The following NRL variants were observed in gnomAD, a reference collection of about 807,000 sequenced individuals.
The protein encoded by NRL is neural retina-specific leucine zipper protein.
In NRL, 16 loss-of-function variants were observed where a neutral mutation model predicts 12.5. That is an observed-to-expected ratio of 1.28 (90% CI 0.87 to 1.95). NRL has a LOEUF of 1.95. Ranked by LOEUF, NRL falls within the 30% of genes most tolerant of loss-of-function variation. The pLI, the probability that NRL is intolerant of heterozygous loss-of-function variation, is 0.00. For missense variants in NRL, 314 were observed against 325.8 expected (o/e 0.96, Z 0.28); for synonymous variants, 142 against 150.9 (o/e 0.94, Z 0.43).
chr14:24,083,210 A>G (rs1037865490), intron 1 of NRL, among the ~76,000 whole-genome samples: 2 of 152,270 alleles, frequency 1.3e-5, no homozygotes, highest in East Asian at 3.8e-4. Flanking sequence ...GAGGTCTGTC[A>G]TCTCAAGAGG....
chr14:24,098,712 A>T (rs1184190432), intron 1 of NRL: 2 of 1,575,210 alleles, frequency 1.3e-6, no homozygotes, highest in Non-Finnish European at 1.7e-6. Flanking sequence ...GGGAACACAG[A>T]GGCCTTCTTG....
rs2037504263 is a variant in NRL, at chr14:24,114,889, T to C, written c.-195A>G. Reference sequence around the variant, plus strand: ...GGCGGCAGTCGGTGTAAACAAGGCCTCGCGCCGCTGCGGGTCCTGCGACCG... The same window carrying C: ...GGCGGCAGTCGGTGTAAACAAGGCCCCGCGCCGCTGCGGGTCCTGCGACCG... On this transcript the variant is annotated 5_prime_UTR_variant, in exon 1 of 3. Transcript: ENST00000561028. 2.0e-6 allele frequency: 2 copies of C among 985,912 alleles called. No individual in the cohort carries two copies. The highest frequency in any genetic ancestry group is 9.4e-5 in the South Asian group (2 of 21,304). 61.1% of individuals were successfully genotyped at this position (985,912 alleles called of 1,614,324 possible). A position where few individuals can be genotyped will look rare whatever the true frequency, so the allele number is the denominator to read the frequency against.
At chr14:24,113,308 G>A (rs1293460122) in intron 1 of NRL, among the ~76,000 whole-genome samples, 1 of 141,430 alleles carries the variant, frequency 7.1e-6, no homozygotes, top group Non-Finnish European at 1.5e-5. Flanking sequence ...CAGCGCACCA[G>A]CATGGCACAT....
At chr14:24,103,730 G>A (rs1193364826) in intron 1 of NRL, 13 of 1,614,134 alleles carry the variant, frequency 8.1e-6, no homozygotes, top group Non-Finnish European at 1.1e-5. Context: ...GGCGGTTAGA[G>A]GGGGAGGACA....
intron 1 of NRL, among the ~76,000 whole-genome samples, chr14:24,091,882 G>A (rs1270496248): frequency 6.6e-6 from 1 of 152,106 alleles, no homozygotes; most frequent in African/African-American, 2.4e-5. Context: ...AGAAAGGAAA[G>A]TACACTTGGA....
intron 1 of NRL, chr14:24,095,335 T>C (rs2036820555): frequency 4.7e-6 from 2 of 423,942 alleles, no homozygotes; most frequent in Non-Finnish European, 9.6e-6. Context: ...GCTTGAAAAC[T>C]GATGCTCACG....
rs2037496341 is a variant in NRL, at chr14:24,114,701, C to A, written c.-28+21G>T. The A allele has an allele frequency of 3.0e-6, 3 of 985,896 alleles. No homozygotes were observed. In the African/African-American group the frequency reaches 5.2e-5, roughly 17 times the overall value. 61.1% of individuals were successfully genotyped at this position (985,896 alleles called of 1,614,324 possible). A position where few individuals can be genotyped will look rare whatever the true frequency, so the allele number is the denominator to read the frequency against. On this transcript the variant is annotated intron_variant, in intron 1 of 2. Coordinates refer to ENST00000561028, the MANE Select transcript of NRL (RefSeq NM_001354768.3). ...TGCACTTTCTCCTCCCCTCAGGCAC[C>A]TCGCGCATTCTCCCGCCTACCTATC...
In NRL at chr14:24,082,842, G is replaced by T. The variant is rs2138876531; in HGVS notation, c.7C>A (p.Leu3Met). 1.2e-6 allele frequency: 2 copies of T among 1,611,784 alleles called. No individual in the cohort carries two copies. Among genetic ancestry groups the T allele is most frequent in the Non-Finnish European group, 1.7e-6 (2 of 1,178,436 alleles). MALPPSPLAMEYV... is the reference protein window; with the variant it reads MAMPPSPLAMEYV... ...TCCATGGCCAGGGGGCTGGGGGGCAGGGCCATTCTGGAGCTGGGCTGGGAG... is the reference window on the plus strand; with the variant it reads ...TCCATGGCCAGGGGGCTGGGGGGCATGGCCATTCTGGAGCTGGGCTGGGAG... Residue 3 changes from leucine (L) to methionine (M), a missense_variant, in exon 2 of 3, where the codon CTG (leucine) becomes ATG (methionine). Transcript: ENST00000561028.
At chr14:24,101,639 C>T (rs747409627) in intron 1 of NRL, among the ~76,000 whole-genome samples, 5 of 152,204 alleles carry the variant, frequency 3.3e-5, no homozygotes, top group African/African-American at 7.2e-5. Context: ...AAATCAATTC[C>T]TTGCAGGGCA....
chr14:24,099,207 G>A (rs746389210), intron 1 of NRL: 4 of 1,600,464 alleles, frequency 2.5e-6, no homozygotes, highest in African/African-American at 2.7e-5. Context: ...GCTGGCCCGG[G>A]ATGAGGGCTG....
intron 1 of NRL, chr14:24,095,200 C>T (rs893639329): frequency 8.8e-6 from 4 of 456,096 alleles, no homozygotes; most frequent in Admixed American, 7.0e-5. Context: ...TCCACTTGGG[C>T]AGCCCTTGTG....
chr14:24,080,973 G>C lies in NRL; in HGVS notation c.*263C>G. The C allele has an allele frequency of 2.8e-6, 1 of 360,308 alleles. No individual in the cohort carries two copies. The highest frequency in any genetic ancestry group is 4.9e-6 in the Non-Finnish European group (1 of 202,418). The allele number at this position is 360,308 out of a possible 1,614,324, so 22.3% of individuals were successfully genotyped here. A position where few individuals can be genotyped will look rare whatever the true frequency, so the allele number is the denominator to read the frequency against. ...TTCCACCCCCCAGTGCCTGGCACTG[G>C]TCCCTGCAGAGCTCAGCGTGCTAGT... On this transcript the variant is annotated 3_prime_UTR_variant, in exon 3 of 3. Transcript: ENST00000561028.
At chr14:24,091,928 G>T in intron 1 of NRL, among the ~76,000 whole-genome samples, 1 of 152,236 alleles carries the variant, frequency 6.6e-6, no homozygotes, top group Non-Finnish European at 1.5e-5. Flanking sequence ...GTCAAGTGCG[G>T]CATTTGACCT....
rs1253335223 is a variant in NRL at position 24,085,833 on chromosome 14, C to G, written c.-27-2958G>C. ...ATCACCTGGGAACTTGCTAGAAATA[C>G]ATGTTACCTGATCTCACCTTAAATC... On this transcript the variant is annotated intron_variant, in intron 1 of 2. Coordinates refer to ENST00000561028, the MANE Select transcript of NRL (RefSeq NM_001354768.3). This position sits in a 1 kb window ranked among gnomAD's most constrained non-coding sequence, Gnocchi z 4.1. Among the ~76,000 whole-genome samples, 2 of 152,250 alleles carry G rather than the reference C, an allele frequency of 1.3e-5. No homozygotes were observed. Among genetic ancestry groups the G allele is most frequent in the Non-Finnish European group, 2.9e-5 (2 of 68,046 alleles).
At chr14:24,095,507 T>A in intron 1 of NRL, 1 of 295,278 alleles carries the variant, frequency 3.4e-6, no homozygotes, top group African/African-American at 2.2e-5. Context: ...CTTTCTTCCT[T>A]CCCCAGGCTA....
At position 24,080,869 on chromosome 14, in the gene NRL, T is replaced by G; in HGVS notation, c.*367A>C. 1 of 211,772 alleles carries G rather than the reference T, an allele frequency of 4.7e-6. No individual in the cohort carries two copies. The highest frequency in any genetic ancestry group is 9.3e-6 in the Non-Finnish European group (1 of 107,026). 13.1% of individuals were successfully genotyped at this position (211,772 alleles called of 1,614,324 possible). ...AATTACAGCTTTAATGTGTTACAGG[T>G]TGAAAACCCTGAATTAAAAACTAAA... On this transcript the variant is annotated 3_prime_UTR_variant, in exon 3 of 3. Coordinates refer to ENST00000561028, the MANE Select transcript of NRL (RefSeq NM_001354768.3).
At position 24,085,056 on chromosome 14, in the gene NRL, C is replaced by T. The variant is rs960367695; in HGVS notation, c.-27-2181G>A. Among the ~76,000 whole-genome samples, 10 of 152,182 alleles carry T rather than the reference C, an allele frequency of 6.6e-5. No homozygotes were observed. The highest frequency in any genetic ancestry group is 1.3e-4 in the Non-Finnish European group (9 of 68,018). ...TAAGCTCTCCCACGCCCACTCTCAC[C>T]GGGCCTTTTGGATCTGTTTCCTATT... On this transcript the variant is annotated intron_variant, in intron 1 of 2. Transcript: ENST00000561028. This position sits in a 1 kb window ranked among gnomAD's most constrained non-coding sequence, Gnocchi z 4.1.
At position 24,114,782 on chromosome 14, in the gene NRL, A is replaced by G. The variant is rs2037499621; in HGVS notation, c.-88T>C. On this transcript the variant is annotated 5_prime_UTR_variant, in exon 1 of 3. Transcript: ENST00000561028. ...GCCAAGGGGGCGGGGCCGTCGTGTG[A>G]CGTTTGCAGCCCGCCGGCCAGGAAG... 4 of 985,808 alleles carry G rather than the reference A, an allele frequency of 4.1e-6. No individual in the cohort carries two copies. The highest frequency in any genetic ancestry group is 9.4e-5 in the South Asian group (2 of 21,308). The allele number at this position is 985,808 out of a possible 1,614,324, so 61.1% of individuals were successfully genotyped here. A position where few individuals can be genotyped will look rare whatever the true frequency, so the allele number is the denominator to read the frequency against.
Position 24,091,861 on chromosome 14 carries a change from G to C in NRL, c.-27-8986C>G, listed in dbSNP as rs148468939. On this transcript the variant is annotated intron_variant, in intron 1 of 2. Coordinates refer to ENST00000561028, the MANE Select transcript of NRL (RefSeq NM_001354768.3). Reference sequence around the variant, plus strand: ...TGGAAGTTTATTAAAAAGCTTTAGAGCAGGAATGAAAGAAAGGAAAGTACA... The same window carrying C: ...TGGAAGTTTATTAAAAAGCTTTAGACCAGGAATGAAAGAAAGGAAAGTACA... 3.9e-5 allele frequency among the ~76,000 whole-genome samples: 6 copies of C among 152,216 alleles called. No homozygotes were observed. The East Asian group carries it at 9.6e-4, about 24-fold the overall frequency.
Sources: gnomAD v4.1 joint callset for allele counts (sites outside exome capture counted in the v4.1 genomes callset) on GRCh38, gnomAD v4.1.1 for gene constraint, Gnocchi (gnomAD v3.1) non-coding constraint, MANE v1.5 for transcripts, NCBI Gene and HGNC (gene_info 2026-07-23, HGNC 2026-07-21) for gene names.